Variants in LONP2 observed in about 807,000 individuals in gnomAD.
LONP2 encodes the protein lon protease homolog 2, peroxisomal.
A neutral mutation model predicts 85.6 loss-of-function variants in LONP2; 60 were observed. That is an observed-to-expected ratio of 0.70 (90% CI 0.57 to 0.87). LONP2 has a LOEUF of 0.87. Among genes scored for constraint, LONP2 ranks in the 40% least tolerant of loss-of-function variants. LONP2 has a pLI of 0.00. For missense variants in LONP2, 860 were observed against 1,063.5 expected (o/e 0.81, Z 2.66); for synonymous variants, 395 against 389.7 (o/e 1.01, Z -0.16).
chr16:48,257,599 A>C (rs1298480766), intron 3 of LONP2, among the ~76,000 whole-genome samples: 2 of 152,200 alleles, frequency 1.3e-5, no homozygotes, highest in Non-Finnish European at 2.9e-5. Context: ...TTTCTTGCAC[A>C]CTTATTTTTA....
chr16:48,340,795 A>G (rs1486089691), intron 12 of LONP2, among the ~76,000 whole-genome samples: 5 of 151,948 alleles, frequency 3.3e-5, no homozygotes, highest in African/African-American at 1.2e-4. Context: ...TCTACAAAAA[A>G]TACAAAATAT....
chr16:48,252,460 A>C (rs1971675457), intron 2 of LONP2, 95 bp downstream of exon 2: 1 of 725,274 alleles, frequency 1.4e-6, no homozygotes, highest in African/African-American at 1.8e-5. Context: ...AAGTTTTAGG[A>C]CAGTATACAT....
At position 48,351,876 on chromosome 16, in the gene LONP2, A is replaced by G; in HGVS notation, c.*74A>G. 1 of 1,190,178 alleles carries G rather than the reference A, an allele frequency of 8.4e-7. No individual in the cohort carries two copies. Among genetic ancestry groups the G allele is most frequent in the Non-Finnish European group, 1.2e-6 (1 of 812,724 alleles). The allele number at this position is 1,190,178 out of a possible 1,614,324, so 73.7% of individuals were successfully genotyped here. A position where few individuals can be genotyped will look rare whatever the true frequency, so the allele number is the denominator to read the frequency against. On this transcript the variant is annotated 3_prime_UTR_variant, in exon 15 of 15. Transcript: ENST00000285737. ...TACTGACACAGTTGATTTTATTCAC[A>G]CCATTAGGGGTATGCAAGATGTCCC...
intron 8 of LONP2, among the ~76,000 whole-genome samples, chr16:48,293,646 G>A (rs188753234): frequency 3.3e-5 from 5 of 152,230 alleles, no homozygotes; most frequent in Admixed American, 2.6e-4. Context: ...TCACTAGAAG[G>A]ACACAACAGA....
chr16:48,247,217 T>TAAAGAAAA (rs59629348), intron 1 of LONP2: 4 of 141,824 alleles, frequency 2.8e-5, no homozygotes, highest in African/African-American at 1.1e-4. Flanking sequence ...ACACTCTACT[T>TAAAGAAAA]AAAAAAAAAA....
intron 6 of LONP2, among the ~76,000 whole-genome samples, chr16:48,269,503 A>G (rs1972057995): frequency 2.0e-5 from 3 of 152,224 alleles, no homozygotes; most frequent in African/African-American, 7.2e-5. Context: ...AGGCCCCATA[A>G]AATCCCATTT....
At chr16:48,304,061 T>A (rs1972862979) in intron 11 of LONP2, among the ~76,000 whole-genome samples, 1 of 152,238 alleles carries the variant, frequency 6.6e-6, no homozygotes, top group Non-Finnish European at 1.5e-5. Flanking sequence ...CAATCCAAAG[T>A]TGAAACTCAC....
intron 11 of LONP2, among the ~76,000 whole-genome samples, chr16:48,308,227 C>T (rs989776821): frequency 1.3e-5 from 2 of 152,104 alleles, no homozygotes; most frequent in Admixed American, 6.5e-5. Context: ...TAGACAAAAA[C>T]GTACACTGGG....
chr16:48,268,238 C>A (rs1972031974), intron 6 of LONP2, among the ~76,000 whole-genome samples: 1 of 152,068 alleles, frequency 6.6e-6, no homozygotes, highest in Non-Finnish European at 1.5e-5. Context: ...ATGGAAATCA[C>A]CTTTACTTAA....
chr16:48,289,655 A>G (rs755670373), intron 8 of LONP2, among the ~76,000 whole-genome samples: 46 of 152,374 alleles, frequency 3.0e-4, no homozygotes, highest in Middle Eastern at 3.4e-3. Context: ...CACCACAGGC[A>G]GCCTTCGACC....
At chr16:48,249,652 G>GA (rs1971577279) in intron 1 of LONP2, among the ~76,000 whole-genome samples, 1 of 151,588 alleles carries the variant, frequency 6.6e-6, no homozygotes, top group African/African-American at 2.4e-5. Context: ...AAGATGGGAG[G>GA]ATTGCTTGAG....
chr16:48,282,776 C>A (rs1441044145), intron 8 of LONP2, among the ~76,000 whole-genome samples: 1 of 152,106 alleles, frequency 6.6e-6, no homozygotes, highest in Admixed American at 6.5e-5. Context: ...AAGTAATAAC[C>A]CTGCAGTGGC....
chr16:48,329,376 G>A (rs1034887744), intron 11 of LONP2, among the ~76,000 whole-genome samples: 1 of 152,088 alleles, frequency 6.6e-6, no homozygotes, highest in African/African-American at 2.4e-5. Context: ...TATGACTCCC[G>A]CCCCTTTAGC....
Position 48,352,624 on chromosome 16 carries a change from A to G in LONP2, c.*822A>G, listed in dbSNP as rs1960184497. ...ACTCCAGCCTGGCTGACAGAGCGAG[A>G]CTGTCTCTAAAAAAAAAAGACTCAA... On this transcript the variant is annotated 3_prime_UTR_variant, in exon 15 of 15. Coordinates refer to ENST00000285737, the MANE Select transcript of LONP2 (RefSeq NM_031490.5). 6.6e-6 allele frequency: 1 copy of G among 152,146 alleles called. No homozygotes were observed. Among genetic ancestry groups the G allele is most frequent in the Non-Finnish European group, 1.5e-5 (1 of 68,074 alleles). 9.4% of individuals were successfully genotyped at this position (152,146 alleles called of 1,614,324 possible). A position where few individuals can be genotyped will look rare whatever the true frequency, so the allele number is the denominator to read the frequency against.
intron 7 of LONP2, among the ~76,000 whole-genome samples, chr16:48,275,473 T>A (rs923212502): frequency 6.6e-6 from 1 of 152,086 alleles, no homozygotes; most frequent in Non-Finnish European, 1.5e-5. Context: ...ATTATACCCA[T>A]GAATAAAAAC....
rs1348291913 is a variant in LONP2, at chr16:48,351,812, T to G, written c.*10T>G. On this transcript the variant is annotated 3_prime_UTR_variant, in exon 15 of 15. Coordinates refer to ENST00000285737, the MANE Select transcript of LONP2 (RefSeq NM_031490.5). ...AAATAGCAAACTGTAGGTCCAAATC[T>G]CAATTTTTTAGAATTTTAAGTTATG... 3 of 1,609,376 alleles carry G rather than the reference T, an allele frequency of 1.9e-6. No individual in the cohort carries two copies. Among genetic ancestry groups the G allele is most frequent in the Non-Finnish European group, 2.6e-6 (3 of 1,176,450 alleles).
At chr16:48,275,547 A>G (rs1026470360) in intron 7 of LONP2, among the ~76,000 whole-genome samples, 5 of 152,224 alleles carry the variant, frequency 3.3e-5, no homozygotes, top group Non-Finnish European at 7.3e-5. Flanking sequence ...TTGCATTATT[A>G]GAGCGATCCC....
At chr16:48,248,652 A>G (rs901415299) in intron 1 of LONP2, among the ~76,000 whole-genome samples, 17 of 152,154 alleles carry the variant, frequency 1.1e-4, no homozygotes, top group Non-Finnish European at 2.5e-4. Context: ...GCTGAACTGA[A>G]CTAACATCAT....
intron 3 of LONP2, 100 bp from the exon 4 acceptor site, chr16:48,258,517 AT>A (rs932133341): frequency 1.3e-3 from 1,524 of 1,193,754 alleles, no homozygotes; most frequent in South Asian, 1.7e-3. Context: ...ACTGTTAATA[AT>A]TTTTTTTTAA....
Sources: allele counts gnomAD v4.1 joint callset (sites outside exome capture counted in the v4.1 genomes callset), GRCh38; gene constraint gnomAD v4.1.1; transcripts MANE v1.5; gene names NCBI Gene and HGNC (gene_info 2026-07-23, HGNC 2026-07-21).